ATL2: variants seen among roughly 807,000 people sequenced by gnomAD.
The protein encoded by ATL2 is atlastin GTPase 2, also known as atlastin-2.
In ATL2, 31 loss-of-function variants were observed where a neutral mutation model predicts 73.9. The observed-to-expected ratio is 0.42, with a 90% CI of 0.32 to 0.57. The LOEUF (loss-of-function observed/expected upper bound fraction) is 0.57, where lower values mean the gene tolerates loss of function less well. ATL2 is among the 20% of genes least tolerant of loss of function. ATL2 has a pLI of 0.14. For missense variants in ATL2, 738 were observed against 702.6 expected (o/e 1.05, Z -0.57); for synonymous variants, 291 against 237.5 (o/e 1.23, Z -2.07).
rs1425350955 is a variant in ATL2 at position 38,294,594 on chromosome 2, G to C, written c.*1400C>G. Among the ~76,000 whole-genome samples, 1 of 144,096 alleles carries C rather than the reference G, an allele frequency of 6.9e-6. No individual in the cohort carries two copies. Among genetic ancestry groups the C allele is most frequent in the African/African-American group, 2.7e-5 (1 of 37,102 alleles). 94.5% of individuals were successfully genotyped at this position (144,096 alleles called of 152,430 possible). A position where few individuals can be genotyped will look rare whatever the true frequency, so the allele number is the denominator to read the frequency against. On this transcript the variant is annotated 3_prime_UTR_variant, in exon 13 of 13. Transcript: ENST00000378954. The stretch of plus-strand genomic sequence containing the variant: ...AGGTACTTTAATCGGTGTTCACAAA[G>C]AAGACCACAAAAGTACTGAAAAAAT...
chr2:38,320,126 A>G (rs1051468893), intron 2 of ATL2, among the ~76,000 whole-genome samples: 2 of 152,210 alleles, frequency 1.3e-5, no homozygotes, highest in Admixed American at 6.5e-5. Context: ...AACAAAAAAA[A>G]TCAATTTAAA....
chr2:38,320,860 G>A (rs1052414711), intron 2 of ATL2, among the ~76,000 whole-genome samples: 1 of 151,918 alleles, frequency 6.6e-6, no homozygotes, highest in African/African-American at 2.4e-5. Flanking sequence ...ACAAAACAGT[G>A]TCAGCCAGGC....
chr2:38,351,915 C>T (rs779816228), intron 1 of ATL2, among the ~76,000 whole-genome samples: 1 of 151,570 alleles, frequency 6.6e-6, no homozygotes, highest in African/African-American at 2.4e-5. Flanking sequence ...AGTTTGAGAC[C>T]AGCCTGGCCA....
chr2:38,330,248 G>A (rs1573499519), intron 2 of ATL2, among the ~76,000 whole-genome samples: 1 of 145,946 alleles, frequency 6.9e-6, no homozygotes, highest in African/African-American at 2.5e-5. Flanking sequence ...AGCACACTAG[G>A]AATAAAGAAA....
At chr2:38,351,011 T>C (rs1670305693) in intron 1 of ATL2, among the ~76,000 whole-genome samples, 1 of 152,194 alleles carries the variant, frequency 6.6e-6, no homozygotes, top group South Asian at 2.1e-4. Flanking sequence ...AACCCAAAAC[T>C]AAACTTATAA....
In ATL2 at chr2:38,343,462, T is replaced by G. The variant is rs1228779424; in HGVS notation, c.169A>C (p.Lys57Gln). 6.2e-6 allele frequency: 10 copies of G among 1,611,136 alleles called. No homozygotes were observed. Among genetic ancestry groups the G allele is most frequent in the South Asian group, 1.1e-5 (1 of 90,882 alleles). ...AGAACAATCTGTACTGGACATGGTT[T>G]CTTCATAACCTCATCAGAATTTACT... Reference protein sequence around the residue: ...DLVNSDEVMKKPCPVQIVLAH... With the variant: ...DLVNSDEVMKQPCPVQIVLAH... The change falls in exon 2 of 13, where the codon AAA becomes CAA. Residue 57 changes from lysine to glutamine, a missense_variant. Lys to Gln is a moderately conservative substitution (Grantham distance 53). Coordinates refer to ENST00000378954, the MANE Select transcript of ATL2 (RefSeq NM_001135673.4).
chr2:38,369,495 T>C (rs879487458), intron 1 of ATL2, among the ~76,000 whole-genome samples: 47 of 150,696 alleles, frequency 3.1e-4, no homozygotes, highest in Non-Finnish European at 4.0e-4. Context: ...ACTATGTTGG[T>C]CAGGCTGGTC....
chr2:38,302,480 C>A (rs1490584326), intron 9 of ATL2, among the ~76,000 whole-genome samples: 1 of 152,054 alleles, frequency 6.6e-6, no homozygotes, highest in Non-Finnish European at 1.5e-5. Flanking sequence ...GCAATAACCA[C>A]ACAATAGTCA....
intron 9 of ATL2, among the ~76,000 whole-genome samples, chr2:38,306,363 G>T (rs1218242680): frequency 1.3e-5 from 2 of 152,166 alleles, no homozygotes; most frequent in Non-Finnish European, 2.9e-5. Flanking sequence ...AACCAGAGGA[G>T]GAGGGAATAT....
intron 1 of ATL2, among the ~76,000 whole-genome samples, chr2:38,355,569 A>C (rs1414219368): frequency 1.3e-5 from 2 of 152,230 alleles, no homozygotes; most frequent in African/African-American, 4.8e-5. Flanking sequence ...CAAGACTAAA[A>C]GCATACCACA....
chr2:38,345,460 A>G (rs1238122213), intron 1 of ATL2, among the ~76,000 whole-genome samples: 1 of 152,232 alleles, frequency 6.6e-6, no homozygotes, highest in East Asian at 1.9e-4. Flanking sequence ...AGGCACCTTT[A>G]ACTGTATATA....
chr2:38,330,779 T>C (rs955396685), intron 2 of ATL2, among the ~76,000 whole-genome samples: 2 of 152,254 alleles, frequency 1.3e-5, no homozygotes, highest in South Asian at 4.1e-4. Flanking sequence ...AGACTTAATA[T>C]TGTTAACACA....
chr2:38,365,315 T>C (rs1671258801), intron 1 of ATL2, among the ~76,000 whole-genome samples: 1 of 152,152 alleles, frequency 6.6e-6, no homozygotes, highest in African/African-American at 2.4e-5. Flanking sequence ...CTAAGTTCCA[T>C]TCTGCCACAT....
At chr2:38,314,724 A>C in intron 5 of ATL2, 60 bp from the exon 6 acceptor site, 3 of 1,101,496 alleles carry the variant, frequency 2.7e-6, no homozygotes, top group African/African-American at 1.6e-5. Context: ...GACATGTGTA[A>C]ACCTGTTCCA....
At chr2:38,336,760 T>C (rs926468704) in intron 2 of ATL2, among the ~76,000 whole-genome samples, 1 of 152,234 alleles carries the variant, frequency 6.6e-6, no homozygotes, top group Non-Finnish European at 1.5e-5. Flanking sequence ...TAATTATCAC[T>C]GCACAGGGTT....
intron 2 of ATL2, among the ~76,000 whole-genome samples, chr2:38,330,500 G>C (rs1012772399): frequency 6.6e-5 from 10 of 152,092 alleles, no homozygotes; most frequent in Non-Finnish European, 1.2e-4. Flanking sequence ...GTTGTATATA[G>C]AAAACTCGAA....
At chr2:38,322,920 G>C (rs916996786) in intron 2 of ATL2, among the ~76,000 whole-genome samples, 1 of 152,104 alleles carries the variant, frequency 6.6e-6, no homozygotes, top group Non-Finnish European at 1.5e-5. Flanking sequence ...ATAAATCAGA[G>C]AACTAATCAG....
intron 1 of ATL2, chr2:38,354,069 G>A: frequency 2.9e-6 from 1 of 340,346 alleles, no homozygotes; most frequent in East Asian, 1.1e-4. Flanking sequence ...GCACGCACCT[G>A]TAATCCCAGC....
At chr2:38,358,212 A>AT (rs1221558700) in intron 1 of ATL2, among the ~76,000 whole-genome samples, 1 of 152,190 alleles carries the variant, frequency 6.6e-6, no homozygotes, top group Non-Finnish European at 1.5e-5. Context: ...GTTTCTAACA[A>AT]TATTAAAATA....
Sources: allele counts gnomAD v4.1 joint callset (sites outside exome capture counted in the v4.1 genomes callset), GRCh38; gene constraint gnomAD v4.1.1; transcripts MANE v1.5; gene names NCBI Gene and HGNC (gene_info 2026-07-23, HGNC 2026-07-21).